The following CERS3 variants were observed in gnomAD, a reference collection of about 807,000 sequenced individuals.
The protein encoded by CERS3 is ceramide synthase 3.
In CERS3, 33 loss-of-function variants were observed where a neutral mutation model predicts 50.3. The observed-to-expected ratio is 0.66, with a 90% CI of 0.50 to 0.88. CERS3 has a LOEUF of 0.88. Ranked by LOEUF, CERS3 falls within the 40% of genes least tolerant of loss-of-function variation. CERS3 has a pLI of 0.00. For synonymous variants in CERS3, 176 were observed against 155.2 expected (o/e 1.13, Z -0.99); for missense variants, 470 against 460.3 (o/e 1.02, Z -0.19).
At chr15:100,414,794 C>G (rs1418443144) in intron 11 of CERS3, among the ~76,000 whole-genome samples, 4 of 142,690 alleles carry the variant, frequency 2.8e-5, no homozygotes, top group African/African-American at 1.0e-4. Context: ...TGGATTGAAG[C>G]CTTAAATGTA....
chr15:100,457,348 T>G (rs2034408400), intron 10 of CERS3, among the ~76,000 whole-genome samples: 2 of 152,194 alleles, frequency 1.3e-5, no homozygotes, highest in Non-Finnish European at 2.9e-5. Flanking sequence ...TGCCACACCC[T>G]CCTCCACACA....
intron 8 of CERS3, among the ~76,000 whole-genome samples, chr15:100,474,302 A>T (rs986827251): frequency 4.6e-5 from 7 of 152,254 alleles, no homozygotes; most frequent in Non-Finnish European, 8.8e-5. Flanking sequence ...CTCAATAAAG[A>T]TGTTTAAAAA....
chr15:100,410,837 T>C (rs1341077755), intron 11 of CERS3, among the ~76,000 whole-genome samples: 1 of 152,234 alleles, frequency 6.6e-6, no homozygotes, highest in Non-Finnish European at 1.5e-5. Context: ...AGATTTACTA[T>C]GTTAACCATC....
intron 1 of CERS3, among the ~76,000 whole-genome samples, chr15:100,524,462 T>C (rs532767750): frequency 6.6e-6 from 1 of 152,200 alleles, no homozygotes; most frequent in Non-Finnish European, 1.5e-5. Flanking sequence ...GAATTCCACA[T>C]AAGGCGGATC....
intron 11 of CERS3, among the ~76,000 whole-genome samples, chr15:100,423,039 A>T (rs1313843791): frequency 4.6e-5 from 7 of 151,352 alleles, no homozygotes; most frequent in Admixed American, 4.0e-4. Flanking sequence ...ATACATATGT[A>T]ACTAACCTGC....
intron 11 of CERS3, chr15:100,437,979 T>C (rs555434518): frequency 2.4e-4 from 37 of 152,058 alleles, no homozygotes; most frequent in African/African-American, 7.7e-4. Flanking sequence ...AGTTACAAGA[T>C]TTATGCTGCA....
At chr15:100,426,590 T>G (rs2032826099) in intron 11 of CERS3, among the ~76,000 whole-genome samples, 1 of 152,200 alleles carries the variant, frequency 6.6e-6, no homozygotes, top group African/African-American at 2.4e-5. Context: ...TGATCTCATT[T>G]AGTACATAGT....
intron 11 of CERS3, among the ~76,000 whole-genome samples, chr15:100,404,094 A>G (rs2030786870): frequency 6.6e-6 from 1 of 152,220 alleles, no homozygotes; most frequent in African/African-American, 2.4e-5. Context: ...TTACAAGCCA[A>G]GAAATGCTGG....
chr15:100,533,332 T>G (rs1484048767), upstream of CERS3, among the ~76,000 whole-genome samples: 1 of 152,166 alleles, frequency 6.6e-6, no homozygotes, highest in Non-Finnish European at 1.5e-5. Flanking sequence ...CCGTGTTCAG[T>G]GCTAAATCCC....
chr15:100,495,138 A>G (rs1269835187), intron 3 of CERS3, among the ~76,000 whole-genome samples: 3 of 152,238 alleles, frequency 2.0e-5, no homozygotes, highest in Non-Finnish European at 4.4e-5. Context: ...CAGACAGGTC[A>G]GATAGTGACA....
chr15:100,484,083 A>G (rs903428295), intron 5 of CERS3, among the ~76,000 whole-genome samples: 1 of 152,036 alleles, frequency 6.6e-6, no homozygotes, highest in African/African-American at 2.4e-5. Flanking sequence ...CACGCCACAC[A>G]GAGAGGCCTT....
At chr15:100,504,890 C>G (rs542703149) in intron 2 of CERS3, among the ~76,000 whole-genome samples, 14 of 152,296 alleles carry the variant, frequency 9.2e-5, no homozygotes, top group Middle Eastern at 6.8e-3. Context: ...TTAGAGAAAT[C>G]TATTTTGAAG....
At chr15:100,425,550 A>G (rs2032759562) in intron 11 of CERS3, among the ~76,000 whole-genome samples, 1 of 152,130 alleles carries the variant, frequency 6.6e-6, no homozygotes, top group South Asian at 2.1e-4. Flanking sequence ...TCCCTTTTGG[A>G]AAGGGAGTAT....
At chr15:100,443,059 C>T (rs1057112736) in intron 11 of CERS3, among the ~76,000 whole-genome samples, 83 of 151,962 alleles carry the variant, frequency 5.5e-4, no homozygotes, top group Non-Finnish European at 1.0e-3. Flanking sequence ...TAGGCCGAGA[C>T]ACTTTAACTA....
intron 10 of CERS3, among the ~76,000 whole-genome samples, chr15:100,467,832 T>C (rs1365727729): frequency 1.0e-5 from 1 of 97,912 alleles, no homozygotes; most frequent in East Asian, 2.7e-4. Flanking sequence ...TGTATATATA[T>C]ACGTGTATAT....
At chr15:100,404,984 G>A (rs1178760348) in intron 11 of CERS3, among the ~76,000 whole-genome samples, 1 of 152,110 alleles carries the variant, frequency 6.6e-6, no homozygotes, top group Non-Finnish European at 1.5e-5. Flanking sequence ...GGATCTAAAT[G>A]TAAAATATAA....
chr15:100,441,608 C>T (rs1389958746), intron 11 of CERS3, among the ~76,000 whole-genome samples: 1 of 152,124 alleles, frequency 6.6e-6, no homozygotes, highest in Admixed American at 6.5e-5. Flanking sequence ...TAACTCGCAC[C>T]TGACCTAAAA....
At chr15:100,495,373 A>T (rs1361383813) in intron 3 of CERS3, among the ~76,000 whole-genome samples, 1 of 152,222 alleles carries the variant, frequency 6.6e-6, no homozygotes, top group Non-Finnish European at 1.5e-5. Flanking sequence ...CATCCCTGTA[A>T]GCCTTTGGCT....
intron 11 of CERS3, among the ~76,000 whole-genome samples, chr15:100,420,449 C>G (rs2142087296): frequency 6.6e-6 from 1 of 152,186 alleles, no homozygotes; most frequent in Non-Finnish European, 1.5e-5. Context: ...AATAGCTTAC[C>G]AACCAAAAAG....
Sources: gnomAD v4.1 joint callset for allele counts (sites outside exome capture counted in the v4.1 genomes callset) on GRCh38, gnomAD v4.1.1 for gene constraint, MANE v1.5 for transcripts, NCBI Gene and HGNC (gene_info 2026-07-23, HGNC 2026-07-21) for gene names.